The following ALDH3B1 variants were observed in gnomAD, a reference collection of about 807,000 sequenced individuals.
The protein encoded by ALDH3B1 is aldehyde dehydrogenase family 3 member B1.
ALDH3B1 carries 37 observed loss-of-function variants against 46.2 expected under a neutral mutation model. The ratio of observed to expected loss-of-function variants is 0.80; its 90% CI spans 0.62 to 1.05. ALDH3B1 has a LOEUF of 1.05. Among genes scored for constraint, ALDH3B1 ranks in the 50% least tolerant of loss-of-function variants. The pLI, the probability that ALDH3B1 is intolerant of heterozygous loss-of-function variation, is 0.00. For synonymous variants in ALDH3B1, 283 were observed against 281.0 expected, an observed-to-expected ratio of 1.01 and a Z score of -0.07; for missense variants, 603 against 665.5, an observed-to-expected ratio of 0.91 and a Z score of 1.03.
At chr11:68,022,833 G>C in intron 8 of ALDH3B1, 72 bp downstream of exon 8, 1 of 1,586,210 alleles carries the variant, frequency 6.3e-7, no homozygotes, top group East Asian at 2.2e-5. Flanking sequence ...AGCAGGGGGG[G>C]CACCAAAATC....
At chr11:68,020,077 T>TA (rs1857454376) in intron 6 of ALDH3B1, among the ~76,000 whole-genome samples, 1 of 152,130 alleles carries the variant, frequency 6.6e-6, no homozygotes, top group Non-Finnish European at 1.5e-5. Flanking sequence ...CCCAGGCTCT[T>TA]AGACACCACC....
At chr11:68,027,267 C>G (rs1233758950) in intron 9 of ALDH3B1, among the ~76,000 whole-genome samples, 1 of 152,192 alleles carries the variant, frequency 6.6e-6, no homozygotes, top group Non-Finnish European at 1.5e-5. Context: ...CCCACTCCAC[C>G]CAGGCTGTGC....
At chr11:68,023,195 C>G (rs1857546048) in intron 8 of ALDH3B1, among the ~76,000 whole-genome samples, 1 of 152,124 alleles carries the variant, frequency 6.6e-6, no homozygotes, top group African/African-American at 2.4e-5. Context: ...CTGGGAGGCC[C>G]AAGGCCAGAG....
rs558740178 is a variant in ALDH3B1 at position 68,027,930 on chromosome 11, A to G, written c.1398A>G (p.Thr466=). 9.7e-5 allele frequency: 151 copies of G among 1,555,196 alleles called. No homozygotes were observed. Among genetic ancestry groups the G allele is most frequent in the Non-Finnish European group, 1.2e-4 (144 of 1,155,962 alleles). The part of the protein sequence containing the change: ...VAMEAQGCSC[T]LL ...TGGAGGCCCAAGGCTGCAGCTGCAC[A>G]CTGCTCTGAGCCCTTCCCCAGGCCC... The change falls in exon 10 of 10, where the codon ACA becomes ACG. Residue 466 remains threonine (T), a synonymous_variant. Transcript: ENST00000342456.
intron 8 of ALDH3B1, among the ~76,000 whole-genome samples, 167 bp downstream of exon 8, chr11:68,022,928 C>T (rs1857540036): frequency 6.6e-6 from 1 of 152,166 alleles, no homozygotes; most frequent in African/African-American, 2.4e-5. Flanking sequence ...TCACCCACCC[C>T]AACCCTGTCC....
In ALDH3B1 at chr11:68,019,738, C is replaced by T. The variant is rs774202315; in HGVS notation, c.504C>T (p.Gly168=). ...AGAGCTGCTTTGCTGTGGTGCTGGG[C>T]GGGCCCCAGGAGACGGGGCAGCTGC... The part of the protein sequence containing the change: ...VDQSCFAVVL[G]GPQETGQLLE... Residue 168 remains glycine, a synonymous_variant, in exon 6 of 10, where the codon GGC becomes GGT. Transcript: ENST00000342456. The T allele has an allele frequency of 6.8e-6, 11 of 1,614,080 alleles. No homozygotes were observed. The highest frequency in any genetic ancestry group is 8.5e-6 in the Non-Finnish European group (10 of 1,179,944).
At chr11:68,015,788 G>C in intron 2 of ALDH3B1, 1 of 429,826 alleles carries the variant, frequency 2.3e-6, no homozygotes, top group Non-Finnish European at 4.6e-6. Context: ...CAGCAAGGCC[G>C]GGCATGGTGG....
At chr11:68,010,876 T>C (rs2134376721) in intron 1 of ALDH3B1, among the ~76,000 whole-genome samples, 1 of 152,326 alleles carries the variant, frequency 6.6e-6, no homozygotes, top group South Asian at 2.1e-4. Flanking sequence ...AGCAATGGAC[T>C]TTGTCAGGGT....
At position 68,021,617 on chromosome 11, in the gene ALDH3B1, T is replaced by C. The variant is rs1233661566; in HGVS notation, c.695T>C (p.Val232Ala). 43 of 1,613,620 alleles carry C rather than the reference T, an allele frequency of 2.7e-5. No homozygotes were observed. Among genetic ancestry groups the C allele is most frequent in the Admixed American group, 1.7e-4 (10 of 59,958 alleles). Residue 232 changes from valine (V) to alanine (A), a missense_variant, in exon 7 of 10, where the codon GTG becomes GCG. Coordinates refer to ENST00000342456, the MANE Select transcript of ALDH3B1 (RefSeq NM_000694.4). ...GACCCCCAGACCGTGGCCAACCGCG[T>C]GGCCTGGTTCCGCTACTTCAACGCC... Reference protein sequence around the residue: ...NCDPQTVANRVAWFRYFNAGQ... With the variant: ...NCDPQTVANRAAWFRYFNAGQ...
In ALDH3B1 at chr11:68,021,592, G is replaced by T; in HGVS notation, c.670G>T (p.Asp224Tyr). The T allele has an allele frequency of 1.9e-6, 3 of 1,614,068 alleles. No individual in the cohort carries two copies. Among genetic ancestry groups the T allele is most frequent in the Non-Finnish European group, 2.5e-6 (3 of 1,179,984 alleles). ...KNPCYVDDNCDPQTVANRVAW... is the reference protein window; with the variant it reads ...KNPCYVDDNCYPQTVANRVAW... ...CCCTTGCTACGTGGACGACAACTGC[G>T]ACCCCCAGACCGTGGCCAACCGCGT... The change falls in exon 7 of 10, where the codon GAC becomes TAC. Residue 224 changes from aspartate (D) to tyrosine (Y), a missense_variant. Physicochemically the swap from Asp to Tyr is radical, Grantham distance 160. Transcript: ENST00000342456.
Position 68,015,353 on chromosome 11 carries a change from G to T in ALDH3B1, c.56G>T (p.Arg19Leu). The change falls in exon 2 of 10, where the codon CGC becomes CTC. Residue 19 changes from arginine to leucine, a missense_variant. Arg to Leu is a moderately radical substitution (Grantham distance 102, BLOSUM62 -2). Transcript: ENST00000342456. ...CTGCGGGAGGCCTTCCACGCGGGGC[G>T]CACGCGGCCAGCTGAGTTCCGGGCT... ...RRLREAFHAG[R>L]TRPAEFRAAQ... 1 of 1,541,710 alleles carries T rather than the reference G, an allele frequency of 6.5e-7. No individual in the cohort carries two copies. The highest frequency in any genetic ancestry group is 8.8e-7 in the Non-Finnish European group (1 of 1,141,242).
rs1857490482 is a variant in ALDH3B1, at chr11:68,021,480, C to T, written c.563-5C>T. On this transcript the variant is annotated splice_polypyrimidine_tract_variant and splice_region_variant and intron_variant, in intron 6 of 9. Coordinates refer to ENST00000342456, the MANE Select transcript of ALDH3B1 (RefSeq NM_000694.4). ...ACGGCCACTCTGGTTTCCTTCCATG[C>T]CCAGGGAGCCCTCGTGTGGGCAAGA... The T allele has an allele frequency of 6.2e-7, 1 of 1,605,676 alleles. No homozygotes were observed. Among genetic ancestry groups the T allele is most frequent in the Non-Finnish European group, 8.5e-7 (1 of 1,174,996 alleles).
Position 68,022,751 on chromosome 11 carries a change from A to G in ALDH3B1, c.1106A>G (p.Asn369Ser). 1.2e-6 allele frequency: 2 copies of G among 1,614,070 alleles called. No individual in the cohort carries two copies. Among genetic ancestry groups the G allele is most frequent in the East Asian group, 2.2e-5 (1 of 44,888 alleles). ...EKPLALYAFSNSSQVVKRVLT... is the reference protein window; with the variant it reads ...EKPLALYAFSSSSQVVKRVLT... ...CCCCTGGCCCTGTACGCCTTCTCCA[A>G]CAGCAGCCAGGTGGGGGTGCGGCCG... The change falls in exon 8 of 10, where the codon AAC becomes AGC. Residue 369 changes from asparagine (N) to serine (S), a missense_variant. By Grantham distance (46) the Asn-to-Ser change is conservative (BLOSUM62 1). Transcript: ENST00000342456.
At chr11:68,009,382 G>C (rs308334), upstream of ALDH3B1, among the ~76,000 whole-genome samples, 7,549 of 152,270 alleles carry the variant, frequency 0.05, 546 homozygotes, top group African/African-American at 0.15. Context: ...AGGGGAAACT[G>C]AGTCTTGGGT....
chr11:68,018,154 A>G (rs1036513245), intron 2 of ALDH3B1: 22 of 216,690 alleles, frequency 1.0e-4, no homozygotes, highest in African/African-American at 4.7e-5. Flanking sequence ...AAAACAGCAC[A>G]CACACACATG....
At chr11:68,009,788 A>G (rs1463801825), upstream of ALDH3B1, among the ~76,000 whole-genome samples, 1 of 151,716 alleles carries the variant, frequency 6.6e-6, no homozygotes, top group African/African-American at 2.4e-5. Flanking sequence ...GTTTTTTTCT[A>G]ACTTTTTGCC....
At position 68,013,512 on chromosome 11, in the gene ALDH3B1, C is replaced by T. The variant is rs140841852; in HGVS notation, c.-1-1785C>T. Among the ~76,000 whole-genome samples the T allele has an allele frequency of 4.1e-3, 626 of 152,292 alleles. 1 individual carries two copies. Among genetic ancestry groups the T allele is most frequent in the African/African-American group, 0.012 (484 of 41,546 alleles). ...GAATGGAGAAGGACCCAGGAGAGTG[C>T]GGAGTTGAGGGAGATAAATATTTGC... On this transcript the variant is annotated intron_variant, in intron 1 of 9. Coordinates refer to ENST00000342456, the MANE Select transcript of ALDH3B1 (RefSeq NM_000694.4).
Position 68,026,029 on chromosome 11 carries a change from C to A in ALDH3B1, c.1137C>A (p.Thr379=), listed in dbSNP as rs1327688300. 6.2e-7 allele frequency: 1 copy of A among 1,607,552 alleles called. No individual in the cohort carries two copies. The highest frequency in any genetic ancestry group is 8.5e-7 in the Non-Finnish European group (1 of 1,177,020). ...CCCAGGTGGTCAAGCGGGTGCTGAC[C>A]CAGACCAGCAGCGGGGGCTTCTGTG... ...NSSQVVKRVL[T]QTSSGGFCGN... is the part of the protein sequence containing the mutation. The change falls in exon 9 of 10, where the codon ACC becomes ACA. Residue 379 remains threonine (T), a synonymous_variant. Transcript: ENST00000342456.
At chr11:68,025,873 C>A in intron 8 of ALDH3B1, 136 bp from the exon 9 acceptor site, 1 of 545,144 alleles carries the variant, frequency 1.8e-6, no homozygotes, top group Non-Finnish European at 3.1e-6. Context: ...ATCACAGGCC[C>A]TTCAGCTGAC....
Sources: gnomAD v4.1 joint callset for allele counts (sites outside exome capture counted in the v4.1 genomes callset) on GRCh38, gnomAD v4.1.1 for gene constraint, MANE v1.5 for transcripts, NCBI Gene and HGNC (gene_info 2026-07-23, HGNC 2026-07-21) for gene names.